The following XYLB variants were observed in gnomAD, a reference collection of about 807,000 sequenced individuals.
The protein encoded by XYLB is xylulose kinase.
Under a neutral mutation model 78.7 loss-of-function variants are expected in XYLB, and 62 were observed. The ratio of observed to expected loss-of-function variants is 0.79; its 90% CI spans 0.64 to 0.97. XYLB has a LOEUF of 0.97. Ranked by LOEUF, XYLB falls within the 50% of genes least tolerant of loss-of-function variation. XYLB has a pLI of 0.00. For missense variants in XYLB, 687 were observed against 676.8 expected, an observed-to-expected ratio of 1.02 and a Z score of -0.17; for synonymous variants, 245 against 247.4, an observed-to-expected ratio of 0.99 and a Z score of 0.09.
intron 2 of XYLB, among the ~76,000 whole-genome samples, chr3:38,357,616 GAC>G (rs1293397086): frequency 6.6e-6 from 1 of 152,156 alleles, no homozygotes; most frequent in African/African-American, 2.4e-5. Context: ...TCGATCTCCT[GAC>G]CTTGTGATCC....
chr3:38,411,373 A>C (rs577577163), intron 18 of XYLB, among the ~76,000 whole-genome samples: 2 of 151,878 alleles, frequency 1.3e-5, no homozygotes, highest in South Asian at 4.2e-4. Flanking sequence ...CACTCTGGGG[A>C]CTGTTGTGGG....
intron 15 of XYLB, among the ~76,000 whole-genome samples, chr3:38,381,716 A>G (rs1405831490): frequency 6.6e-6 from 1 of 152,216 alleles, no homozygotes; most frequent in Admixed American, 6.5e-5. Context: ...TAGTGCTCCC[A>G]GGCTTATTAG....
intron 16 of XYLB, 121 bp downstream of exon 16, chr3:38,395,684 G>C: frequency 9.6e-7 from 1 of 1,042,948 alleles, no homozygotes. Context: ...GGAGCTCTTA[G>C]CTCACACTCC....
intron 18 of XYLB, among the ~76,000 whole-genome samples, chr3:38,409,317 C>A (rs1708472504): frequency 6.6e-6 from 1 of 151,782 alleles, no homozygotes; most frequent in South Asian, 2.1e-4. Flanking sequence ...GCAGAAAAGG[C>A]CTTTGACAAA....
At chr3:38,435,151 A>T in the XYLB span, among the ~76,000 whole-genome samples, 3 of 152,168 alleles carry the variant, frequency 2.0e-5, no homozygotes, top group South Asian at 4.1e-4. Context: ...AGATTTTTTT[A>T]AAAAGATGAT....
At chr3:38,410,981 C>G (rs1708557325) in intron 18 of XYLB, among the ~76,000 whole-genome samples, 1 of 152,100 alleles carries the variant, frequency 6.6e-6, no homozygotes, top group Non-Finnish European at 1.5e-5. Flanking sequence ...GGTGATTCCT[C>G]AAGGATCTAG....
chr3:38,433,789 G>T, the XYLB span, among the ~76,000 whole-genome samples: 55 of 152,072 alleles, frequency 3.6e-4, no homozygotes, highest in African/African-American at 1.3e-3. Flanking sequence ...CCACATTTTC[G>T]TGTCTGCAAA....
Position 38,413,889 on chromosome 3 carries a change from TC to T in XYLB, c.*878del, listed in dbSNP as rs1267821597. 4 of 152,218 alleles carry T rather than the reference TC, an allele frequency of 2.6e-5. No homozygotes were observed. Among genetic ancestry groups the T allele is most frequent in the African/African-American group, 9.6e-5 (4 of 41,456 alleles). 9.4% of individuals were successfully genotyped at this position (152,218 alleles called of 1,614,324 possible). ...GTTGTGTCATTTCTCTGGAAGAATT[TC>T]CAAAATTCTGGATTTCTTTTTTATT... On this transcript the variant is annotated 3_prime_UTR_variant, in exon 19 of 19. Coordinates refer to ENST00000207870, the MANE Select transcript of XYLB (RefSeq NM_005108.4).
In XYLB at chr3:38,376,935, A is replaced by G. The variant is rs747677762; in HGVS notation, c.1138A>G (p.Met380Val). Residue 380 changes from methionine (M) to valine (V), a missense_variant, in exon 14 of 19, where the codon ATG becomes GTG. Transcript: ENST00000207870. ...TATTTCAGGTTTTTATTTTGATGTAATGGAGATCACCCCTGAAATTATTGG... is the reference window on the plus strand; with the variant it reads ...TATTTCAGGTTTTTATTTTGATGTAGTGGAGATCACCCCTGAAATTATTGG... Reference protein sequence around the residue: ...GGNLGFYFDVMEITPEIIGRH... With the variant: ...GGNLGFYFDVVEITPEIIGRH... 1.2e-6 allele frequency: 2 copies of G among 1,613,944 alleles called. No homozygotes were observed. Among genetic ancestry groups the G allele is most frequent in the Middle Eastern group, 1.6e-4 (1 of 6,062 alleles).
chr3:38,410,392 A>T (rs1708524483), intron 18 of XYLB, among the ~76,000 whole-genome samples: 1 of 152,218 alleles, frequency 6.6e-6, no homozygotes, highest in African/African-American at 2.4e-5. Flanking sequence ...TTCAAGATGG[A>T]TTAAAGACTT....
In XYLB at chr3:38,405,837, C is replaced by T. The variant is rs540919023; in HGVS notation, c.1533+4852C>T. Among the ~76,000 whole-genome samples, 13 of 152,358 alleles carry T rather than the reference C, an allele frequency of 8.5e-5. No homozygotes were observed. In the South Asian group the frequency reaches 2.1e-3, roughly 24 times the overall value. On this transcript the variant is annotated intron_variant, in intron 18 of 18. Transcript: ENST00000207870. ...GGCGGCAGCCAGGCTGGGGGAGGGG[C>T]GCCTGCCATTGCCCAGGCTTGCTTA...
Position 38,386,735 on chromosome 3 carries a change from A to C in XYLB, c.1291+7393A>C, listed in dbSNP as rs144801481. Among the ~76,000 whole-genome samples, 100 of 152,322 alleles carry C rather than the reference A, an allele frequency of 6.6e-4. 2 individuals carry two copies. In the East Asian group the frequency reaches 0.016, roughly 25 times the overall value. ...TTTACGAACATGCTTGCACTACAAG[A>C]ATGACTAAAGGATGTCTTCCGGGCT... is the stretch of plus-strand genomic sequence containing the variant. On this transcript the variant is annotated intron_variant, in intron 15 of 18. Transcript: ENST00000207870.
At chr3:38,375,644 C>T (rs539253782) in intron 12 of XYLB, among the ~76,000 whole-genome samples, 7 of 152,218 alleles carry the variant, frequency 4.6e-5, no homozygotes, top group South Asian at 2.1e-4. Context: ...CAGCAAATGG[C>T]GGGAAGGACA....
At chr3:38,400,596 A>T (rs1417378516) in intron 17 of XYLB, among the ~76,000 whole-genome samples, 2 of 152,176 alleles carry the variant, frequency 1.3e-5, no homozygotes, top group African/African-American at 4.8e-5. Context: ...GACCTATTCC[A>T]TGAAAGGCAC....
At chr3:38,451,722 T>C in the XYLB span, 1 of 152,254 alleles carries the variant, frequency 6.6e-6, no homozygotes, top group African/African-American at 2.4e-5. Flanking sequence ...ATGGTGTAGT[T>C]GCTTATGCCA....
intron 17 of XYLB, among the ~76,000 whole-genome samples, chr3:38,398,382 C>T (rs971832566): frequency 4.6e-5 from 7 of 150,958 alleles, no homozygotes; most frequent in African/African-American, 7.3e-5. Flanking sequence ...GCAGGAGAAT[C>T]GCTTGAACCC....
At chr3:38,432,035 G>C in the XYLB span, among the ~76,000 whole-genome samples, 195 of 152,246 alleles carry the variant, frequency 1.3e-3, no homozygotes, top group African/African-American at 4.4e-3. Context: ...GGGAGACATT[G>C]GCCAAAACAA....
chr3:38,376,137 T>A lies in XYLB; in HGVS notation c.1025T>A (p.Met342Lys), dbSNP rs1559593091. 1 of 1,613,850 alleles carries A rather than the reference T, an allele frequency of 6.2e-7. No individual in the cohort carries two copies. Residue 342 changes from methionine to lysine, a missense_variant, in exon 13 of 19, where the codon ATG becomes AAG. By Grantham distance (95) the Met-to-Lys change is moderately conservative. Coordinates refer to ENST00000207870, the MANE Select transcript of XYLB (RefSeq NM_005108.4). ...TGCAGCTTTAAAAATGGCTCCCTCATGAGAGAGAAGATCCGCAACGAGTCT... is the reference window on the plus strand; with the variant it reads ...TGCAGCTTTAAAAATGGCTCCCTCAAGAGAGAGAAGATCCGCAACGAGTCT... ...ALLCFKNGSL[M>K]REKIRNESVS...
At position 38,406,137 on chromosome 3, in the gene XYLB, C is replaced by G. The variant is rs946121854; in HGVS notation, c.1533+5152C>G. ...AGCAGCCTACCTGGGAGGCACCCCC[C>G]AGTAGGGGCAGATTGACAGCCCACA... On this transcript the variant is annotated intron_variant, in intron 18 of 18. Coordinates refer to ENST00000207870, the MANE Select transcript of XYLB (RefSeq NM_005108.4). 3.9e-5 allele frequency among the ~76,000 whole-genome samples: 6 copies of G among 152,232 alleles called. No homozygotes were observed. The East Asian group carries it at 5.8e-4, about 15-fold the overall frequency.
Sources: allele counts gnomAD v4.1 joint callset (sites outside exome capture counted in the v4.1 genomes callset), GRCh38; gene constraint gnomAD v4.1.1; transcripts MANE v1.5; gene names NCBI Gene and HGNC (gene_info 2026-07-23, HGNC 2026-07-21).